Variants in CTIF observed in about 807,000 individuals in gnomAD.
CTIF encodes cap binding complex dependent translation initiation factor, also known as CBP80/20-dependent translation initiation factor.
A neutral mutation model predicts 66.0 loss-of-function variants in CTIF; 21 were observed. That is an observed-to-expected ratio of 0.32 (90% CI 0.23 to 0.46). CTIF has a LOEUF of 0.46. Ranked by LOEUF, CTIF falls within the 20% of genes least tolerant of loss-of-function variation. The pLI, the probability that CTIF is intolerant of heterozygous loss-of-function variation, is 1.00. For missense variants in CTIF, 739 were observed against 812.7 expected (o/e 0.91, Z 1.10); for synonymous variants, 345 against 326.4 (o/e 1.06, Z -0.62).
intron 3 of CTIF, among the ~76,000 whole-genome samples, chr18:48,649,070 A>C (rs62102956): frequency 6.6e-6 from 1 of 152,124 alleles, no homozygotes; most frequent in Non-Finnish European, 1.5e-5. Flanking sequence ...TGCATTTCCA[A>C]CTGAGGCACC....
intron 7 of CTIF, among the ~76,000 whole-genome samples, chr18:48,726,033 T>C (rs1165948402): frequency 6.6e-6 from 1 of 152,204 alleles, no homozygotes; most frequent in Admixed American, 6.5e-5. Flanking sequence ...CTTTGAGGCA[T>C]GTTGCTCAAC....
chr18:48,764,754 C>T (rs1909356259), intron 9 of CTIF, among the ~76,000 whole-genome samples: 1 of 152,198 alleles, frequency 6.6e-6, no homozygotes. Flanking sequence ...CATAGGCCAC[C>T]ACTCACCCCT....
At chr18:48,845,598 T>C (rs1309857317) in intron 10 of CTIF, among the ~76,000 whole-genome samples, 1 of 152,178 alleles carries the variant, frequency 6.6e-6, no homozygotes, top group Non-Finnish European at 1.5e-5. Flanking sequence ...CCATGTGTTC[T>C]CCAGGTCACC....
chr18:48,861,035 G>A lies in CTIF; in HGVS notation c.*1476G>A, dbSNP rs1350119057. 3 of 152,184 alleles carry A rather than the reference G, an allele frequency of 2.0e-5. No individual in the cohort carries two copies. Among genetic ancestry groups the A allele is most frequent in the African/African-American group, 7.2e-5 (3 of 41,412 alleles). The allele number at this position is 152,184 out of a possible 1,614,324, so 9.4% of individuals were successfully genotyped here. A position where few individuals can be genotyped will look rare whatever the true frequency, so the allele number is the denominator to read the frequency against. On this transcript the variant is annotated 3_prime_UTR_variant, in exon 12 of 12. Coordinates refer to ENST00000256413, the MANE Select transcript of CTIF (RefSeq NM_014772.3). ...CTTCCTTATTTGCTCTTTTATTGAG[G>A]CCGGGCAGGCCCTGGGTCACTTTGG...
At chr18:48,559,200 A>C (rs1219805434) in intron 1 of CTIF, among the ~76,000 whole-genome samples, 1 of 141,348 alleles carries the variant, frequency 7.1e-6, no homozygotes, top group Non-Finnish European at 1.5e-5. Flanking sequence ...GCTCATACAA[A>C]TTTTAAAAAA....
chr18:48,574,556 G>A (rs2089488322), intron 1 of CTIF, among the ~76,000 whole-genome samples: 1 of 152,196 alleles, frequency 6.6e-6, no homozygotes, highest in African/African-American at 2.4e-5. Flanking sequence ...AGGGCCGCTT[G>A]GGACCCTCCA....
At chr18:48,699,056 C>T (rs575559849) in intron 6 of CTIF, among the ~76,000 whole-genome samples, 5 of 152,298 alleles carry the variant, frequency 3.3e-5, no homozygotes, top group South Asian at 4.2e-4. Flanking sequence ...TGCTGGTTCT[C>T]GGTCAGACCT....
At chr18:48,855,016 G>A (rs940821466) in intron 10 of CTIF, among the ~76,000 whole-genome samples, 6 of 152,112 alleles carry the variant, frequency 3.9e-5, no homozygotes, top group African/African-American at 9.7e-5. Flanking sequence ...CCACCGCCCC[G>A]GAGCTGCATT....
chr18:48,656,002 T>C (rs1420510220), intron 3 of CTIF, among the ~76,000 whole-genome samples: 2 of 152,254 alleles, frequency 1.3e-5, no homozygotes, highest in African/African-American at 4.8e-5. Flanking sequence ...TATGTTTTTC[T>C]ATCATACAGC....
rs2069439639 is a variant in CTIF, at chr18:48,860,458, G to GT, written c.*899_*900insT. On this transcript the variant is annotated 3_prime_UTR_variant, in exon 12 of 12. Coordinates refer to ENST00000256413, the MANE Select transcript of CTIF (RefSeq NM_014772.3). Reference sequence around the variant, plus strand: ...ATTGGAAACTTCTGCCCCGGCGGGGGGTCCCCGCTGGAATCCTGTGTTCCT... The same window carrying GT: ...ATTGGAAACTTCTGCCCCGGCGGGGGTGTCCCCGCTGGAATCCTGTGTTCCT... 1 of 157,214 alleles carries GT rather than the reference G, an allele frequency of 6.4e-6. No individual in the cohort carries two copies. Among genetic ancestry groups the GT allele is most frequent in the Non-Finnish European group, 1.4e-5 (1 of 71,124 alleles). The allele number at this position is 157,214 out of a possible 1,614,324, so 9.7% of individuals were successfully genotyped here. A position where few individuals can be genotyped will look rare whatever the true frequency, so the allele number is the denominator to read the frequency against.
chr18:48,800,293 G>A (rs1210779005), intron 9 of CTIF, among the ~76,000 whole-genome samples: 1 of 152,150 alleles, frequency 6.6e-6, no homozygotes, highest in Non-Finnish European at 1.5e-5. Flanking sequence ...TGGCAGTTTT[G>A]TACTGTTTTG....
intron 2 of CTIF, among the ~76,000 whole-genome samples, chr18:48,622,426 A>C (rs1369942783): frequency 2.0e-5 from 3 of 151,910 alleles, no homozygotes; most frequent in Admixed American, 6.6e-5. Context: ...TGAAACTCAG[A>C]TCCATCTTCA....
intron 7 of CTIF, among the ~76,000 whole-genome samples, chr18:48,744,030 A>G (rs2092575665): frequency 1.3e-5 from 2 of 152,210 alleles, no homozygotes; most frequent in African/African-American, 4.8e-5. Flanking sequence ...TTTGACCACA[A>G]GTGCTTTCCA....
chr18:48,612,443 G>A (rs988232979), intron 1 of CTIF, among the ~76,000 whole-genome samples: 1 of 152,220 alleles, frequency 6.6e-6, no homozygotes, highest in African/African-American at 2.4e-5. Context: ...CCCACTCTGT[G>A]GGGATGGGAA....
At chr18:48,584,550 C>T (rs1390865525) in intron 1 of CTIF, among the ~76,000 whole-genome samples, 1 of 152,184 alleles carries the variant, frequency 6.6e-6, no homozygotes, top group African/African-American at 2.4e-5. Flanking sequence ...TTTTCATAAG[C>T]TCTCCAGTTG....
At chr18:48,569,698 A>G (rs1207723647) in intron 1 of CTIF, among the ~76,000 whole-genome samples, 1 of 152,146 alleles carries the variant, frequency 6.6e-6, no homozygotes, top group Admixed American at 6.5e-5. Context: ...TCCAAAGACC[A>G]GTTCAGTTCG....
intron 5 of CTIF, 112 bp downstream of exon 5, chr18:48,664,663 C>T (rs2091405162): frequency 1.2e-6 from 1 of 849,206 alleles, no homozygotes; most frequent in Non-Finnish European, 1.9e-6. Context: ...TGGCTGATGC[C>T]CCGGGATGCT....
At chr18:48,575,699 C>T (rs750329238) in intron 1 of CTIF, among the ~76,000 whole-genome samples, 1 of 152,200 alleles carries the variant, frequency 6.6e-6, no homozygotes, top group South Asian at 2.1e-4. Context: ...AGGCTCAGAC[C>T]GGGGCCGTCC....
intron 7 of CTIF, among the ~76,000 whole-genome samples, chr18:48,730,178 G>A (rs1021079964): frequency 3.9e-5 from 6 of 152,096 alleles, no homozygotes; most frequent in Non-Finnish European, 8.8e-5. Context: ...CCTCCACAGT[G>A]TGAGGGGCCC....
Sources: allele counts gnomAD v4.1 joint callset (sites outside exome capture counted in the v4.1 genomes callset), GRCh38; gene constraint gnomAD v4.1.1; transcripts MANE v1.5; gene names NCBI Gene and HGNC (gene_info 2026-07-23, HGNC 2026-07-21).